The following MEG3 variants were observed in gnomAD, a reference collection of about 807,000 sequenced individuals.
MEG3 encodes the protein Very putative protein from MEG3 locus.
At chr14:100,836,803 G>T (rs2037597732) in intron 2 of MEG3, among the ~76,000 whole-genome samples, 1 of 151,722 alleles carries the variant, frequency 6.6e-6, no homozygotes, top group African/African-American at 2.4e-5. Flanking sequence ...CACACATGAG[G>T]CTTTGATAAT....
exon 2 of MEG3, chr14:100,836,190 G>A: frequency 2.2e-6 from 1 of 456,156 alleles, no homozygotes; most frequent in Non-Finnish European, 4.4e-6. Flanking sequence ...GGCCCGGCTG[G>A]GTCGGCTGAA....
exon 1 of MEG3, chr14:100,834,380 C>T (rs904699208): frequency 4.6e-5 from 12 of 263,342 alleles, no homozygotes; most frequent in Non-Finnish European, 7.4e-5. Context: ...AGCTGGCCCC[C>T]GGCAGGTTCT....
chr14:100,828,026 G>A (rs905911669), intron 1 of MEG3, among the ~76,000 whole-genome samples: 6 of 152,106 alleles, frequency 3.9e-5, no homozygotes, highest in Non-Finnish European at 7.4e-5. Flanking sequence ...GAGGCGCTGC[G>A]CCGCAGCCAC....
intron 2 of MEG3, among the ~76,000 whole-genome samples, chr14:100,838,765 C>A (rs1180232150): frequency 6.6e-6 from 1 of 152,058 alleles, no homozygotes; most frequent in Non-Finnish European, 1.5e-5. Flanking sequence ...TCCTCTCGCA[C>A]CTGCCCGCCC....
chr14:100,857,433 AT>A (rs1317887979), exon 1 of MEG3: 1 of 152,158 alleles, frequency 6.6e-6, no homozygotes, highest in African/African-American at 2.4e-5. Flanking sequence ...TTCCCTGGGA[AT>A]GGGCATATGT....
At chr14:100,839,206 G>T (rs767124964) in intron 2 of MEG3, among the ~76,000 whole-genome samples, 1 of 152,120 alleles carries the variant, frequency 6.6e-6, no homozygotes, top group Non-Finnish European at 1.5e-5. Flanking sequence ...GGTCCCAAAG[G>T]GTTAAAGGGC....
At chr14:100,834,463 C>A in exon 1 of MEG3, 1 of 315,866 alleles carries the variant, frequency 3.2e-6, no homozygotes, top group Non-Finnish European at 6.2e-6. Context: ...CCCCATCCTG[C>A]TTGGGTTTCT....
chr14:100,836,281 C>A (rs970675585), exon 2 of MEG3: 3 of 456,584 alleles, frequency 6.6e-6, no homozygotes, highest in Non-Finnish European at 1.3e-5. Flanking sequence ...GCGGGCCTCT[C>A]GTCTCCTTCC....
Position 100,845,775 on chromosome 14 carries a change from C to T in MEG3, n.3121+242C>T, listed in dbSNP as rs1046727648. On this transcript the variant is annotated intron_variant and non_coding_transcript_variant, in intron 3 of 3. Coordinates refer to the MEG3 transcript ENST00000398461. The surrounding 1 kb of genome is among the most constrained non-coding windows in gnomAD (Gnocchi z 5.2). Reference sequence around the variant, plus strand: ...CTCTGTGGCAAAAGAATTCTATAGGCGGGCTTCAAATGTCGGACCCCAAAA... The same window carrying T: ...CTCTGTGGCAAAAGAATTCTATAGGTGGGCTTCAAATGTCGGACCCCAAAA... 3 of 217,436 alleles carry T rather than the reference C, an allele frequency of 1.4e-5. No homozygotes were observed. Among genetic ancestry groups the T allele is most frequent in the Admixed American group, 5.4e-5 (1 of 18,442 alleles). 13.5% of individuals were successfully genotyped at this position (217,436 alleles called of 1,614,324 possible).
intron 2 of MEG3, among the ~76,000 whole-genome samples, chr14:100,844,123 C>G (rs1007592376): frequency 3.3e-5 from 5 of 152,164 alleles, no homozygotes; most frequent in African/African-American, 4.8e-5. Context: ...TGAGCCACCC[C>G]CCTGGGGCTG....
chr14:100,828,406 C>A (rs972439222), intron 1 of MEG3, among the ~76,000 whole-genome samples: 6 of 150,694 alleles, frequency 4.0e-5, no homozygotes. Context: ...CCCTCCTCCC[C>A]CTCCTATTTT....
intron 1 of MEG3, among the ~76,000 whole-genome samples, chr14:100,827,199 G>C (rs1201956881): frequency 6.6e-6 from 1 of 152,148 alleles, no homozygotes; most frequent in African/African-American, 2.4e-5. Context: ...TCAGAGTCAA[G>C]CCCCCCCAGG....
At chr14:100,843,219 C>T (rs908597619) in intron 2 of MEG3, among the ~76,000 whole-genome samples, 1 of 152,140 alleles carries the variant, frequency 6.6e-6, no homozygotes, top group African/African-American at 2.4e-5. Flanking sequence ...CTGATTTCTC[C>T]GCTCCTATTA....
chr14:100,841,909 C>T (rs978718101), intron 2 of MEG3, among the ~76,000 whole-genome samples: 14 of 152,154 alleles, frequency 9.2e-5, no homozygotes, highest in African/African-American at 1.9e-4. Flanking sequence ...CTGAGACCCT[C>T]GCCAGCGCCT....
chr14:100,852,550 C>T, upstream of MEG3: 1 of 410,550 alleles, frequency 2.4e-6, no homozygotes. Context: ...TGGGGGTGCA[C>T]TTATTATCCC....
chr14:100,858,816 C>T (rs560429502), exon 1 of MEG3: 1 of 152,902 alleles, frequency 6.5e-6, no homozygotes, highest in South Asian at 2.1e-4. Flanking sequence ...CAGAGGGGGC[C>T]CCTCCTATTG....
rs901956481 is a variant in MEG3 at position 100,837,500 on chromosome 14, C to T, written n.3045+1200C>T. On this transcript the variant is annotated intron_variant and non_coding_transcript_variant, in intron 2 of 3. Transcript: ENST00000398461. The surrounding 1 kb of genome is among the most constrained non-coding windows in gnomAD (Gnocchi z 5.8). Reference sequence around the variant, plus strand: ...AGACATTTATGGAGGCTTGAGGGGGCCCTAGCACTGTCCTTGGCCCAGATG... The same window carrying T: ...AGACATTTATGGAGGCTTGAGGGGGTCCTAGCACTGTCCTTGGCCCAGATG... Among the ~76,000 whole-genome samples, 36 of 152,232 alleles carry T rather than the reference C, an allele frequency of 2.4e-4. No homozygotes were observed. The highest frequency in any genetic ancestry group is 8.7e-4 in the African/African-American group (36 of 41,540).
intron 2 of MEG3, among the ~76,000 whole-genome samples, chr14:100,841,235 T>TTGC (rs1436786112): frequency 6.6e-6 from 1 of 152,192 alleles, no homozygotes; most frequent in Admixed American, 6.5e-5. Flanking sequence ...GTCACTGACT[T>TTGC]TGCTGCTGCT....
upstream of MEG3, chr14:100,854,148 A>G (rs952684795): frequency 8.5e-5 from 13 of 152,378 alleles, no homozygotes; most frequent in Admixed American, 6.5e-4. Context: ...GCATTTTACA[A>G]TGTTCAGCAA....
Sources: gnomAD v4.1 joint callset for allele counts (sites outside exome capture counted in the v4.1 genomes callset) on GRCh38, gnomAD v4.1.1 for gene constraint, Gnocchi (gnomAD v3.1) non-coding constraint, MANE v1.5 for transcripts, NCBI Gene and HGNC (gene_info 2026-07-23, HGNC 2026-07-21) for gene names.